The following NFIL3 variants were observed in gnomAD, a reference collection of about 807,000 sequenced individuals.
NFIL3 encodes the protein nuclear factor, interleukin 3 regulated, also known as nuclear factor interleukin-3-regulated protein.
NFIL3 carries 5 observed loss-of-function variants against 10.0 expected under a neutral mutation model. That is an observed-to-expected ratio of 0.50 (90% CI 0.26 to 1.06). NFIL3 has a LOEUF of 1.06. Among genes scored for constraint, NFIL3 ranks in the 50% least tolerant of loss-of-function variants. The pLI is 0.13. For missense variants in NFIL3, 436 were observed against 547.6 expected, an observed-to-expected ratio of 0.80 and a Z score of 2.03; for synonymous variants, 202 against 206.5, an observed-to-expected ratio of 0.98 and a Z score of 0.19.
upstream of NFIL3, among the ~76,000 whole-genome samples, chr9:91,428,381 C>G (rs1163851102): frequency 6.6e-6 from 1 of 152,168 alleles, no homozygotes; most frequent in Non-Finnish European, 1.5e-5. Flanking sequence ...CCAGCCACAA[C>G]CTAGACGTTA....
chr9:91,452,239 G>T, the NFIL3 span, among the ~76,000 whole-genome samples: 1 of 152,200 alleles, frequency 6.6e-6, no homozygotes, highest in Non-Finnish European at 1.5e-5. Flanking sequence ...CTACCAGGAA[G>T]CTTCATCTGC....
chr9:91,453,240 CAT>C, the NFIL3 span, among the ~76,000 whole-genome samples: 1,009 of 152,136 alleles, frequency 6.6e-3, 17 homozygotes, highest in African/African-American at 0.023. Context: ...GGAAGCTAGA[CAT>C]ATTAGATTAG....
At chr9:91,471,560 C>A in the NFIL3 span, among the ~76,000 whole-genome samples, 1 of 150,028 alleles carries the variant, frequency 6.7e-6, no homozygotes, top group Non-Finnish European at 1.5e-5. Flanking sequence ...CTGTGCACAA[C>A]GAGCAGGTTT....
At chr9:91,482,824 G>C in the NFIL3 span, among the ~76,000 whole-genome samples, 1 of 152,144 alleles carries the variant, frequency 6.6e-6, no homozygotes, top group Admixed American at 6.5e-5. Context: ...GTTTTAAAAA[G>C]AGACAAATAA....
the NFIL3 span, among the ~76,000 whole-genome samples, chr9:91,473,941 T>C: frequency 0.099 from 15,075 of 152,238 alleles, 822 homozygotes; most frequent in East Asian, 0.23. Context: ...TTTTATTTCC[T>C]TTTCTTATCT....
At chr9:91,463,942 T>G in the NFIL3 span, among the ~76,000 whole-genome samples, 1 of 152,166 alleles carries the variant, frequency 6.6e-6, no homozygotes, top group Admixed American at 6.6e-5. Context: ...TTCTGTCTGC[T>G]TTGTTGAAAA....
the NFIL3 span, among the ~76,000 whole-genome samples, chr9:91,471,160 T>C: frequency 1.3e-5 from 2 of 152,318 alleles, no homozygotes; most frequent in South Asian, 2.1e-4. Flanking sequence ...AGTCTAAGTC[T>C]CTTTGTCGGT....
At chr9:91,483,010 C>T in the NFIL3 span, among the ~76,000 whole-genome samples, 4 of 152,176 alleles carry the variant, frequency 2.6e-5, no homozygotes, top group Non-Finnish European at 5.9e-5. Flanking sequence ...TCCACAACAT[C>T]CCTGGCTAGA....
the NFIL3 span, among the ~76,000 whole-genome samples, chr9:91,453,202 G>A: frequency 6.6e-6 from 1 of 151,984 alleles, no homozygotes; most frequent in Non-Finnish European, 1.5e-5. Context: ...CTCTGTACAT[G>A]TTTGTATCTG....
At chr9:91,461,617 C>A in the NFIL3 span, among the ~76,000 whole-genome samples, 2 of 152,184 alleles carry the variant, frequency 1.3e-5, no homozygotes, top group African/African-American at 4.8e-5. Context: ...TGTTTCTTGG[C>A]TTTCTTGGCT....
chr9:91,448,345 A>T, the NFIL3 span, among the ~76,000 whole-genome samples: 1 of 152,228 alleles, frequency 6.6e-6, no homozygotes, highest in Non-Finnish European at 1.5e-5. Flanking sequence ...GCTTCCATCC[A>T]TGACAGAAAG....
the NFIL3 span, among the ~76,000 whole-genome samples, chr9:91,435,958 G>C: frequency 6.6e-6 from 1 of 152,096 alleles, no homozygotes; most frequent in African/African-American, 2.4e-5. Context: ...AACACAGACC[G>C]ATTTTGGCTA....
chr9:91,442,627 C>G, the NFIL3 span, among the ~76,000 whole-genome samples: 1 of 152,178 alleles, frequency 6.6e-6, no homozygotes, highest in Non-Finnish European at 1.5e-5. Context: ...TTTGGCAGCA[C>G]AGGCAGCTCC....
intron 1 of NFIL3, among the ~76,000 whole-genome samples, chr9:91,422,404 GGC>G (rs1172105747): frequency 2.6e-5 from 4 of 151,948 alleles, no homozygotes; most frequent in Non-Finnish European, 5.9e-5. Context: ...ACACACATTC[GGC>G]AGCATGAGCA....
chr9:91,414,042 A>G lies in NFIL3; in HGVS notation c.-172-3136T>C, dbSNP rs73505238. 3.6e-3 allele frequency among the ~76,000 whole-genome samples: 541 copies of G among 152,282 alleles called. 6 individuals carry two copies. The highest frequency in any genetic ancestry group is 0.012 in the African/African-American group (516 of 41,550). ...AGGACCTTTTCAAGGTTGGGGCCCAATTGGGAAGGAGCCTTCACAATAGGT... is the reference window on the plus strand; with the variant it reads ...AGGACCTTTTCAAGGTTGGGGCCCAGTTGGGAAGGAGCCTTCACAATAGGT... On this transcript the variant is annotated intron_variant, in intron 1 of 1. Transcript: ENST00000297689.
At chr9:91,456,903 T>C in the NFIL3 span, among the ~76,000 whole-genome samples, 1 of 152,072 alleles carries the variant, frequency 6.6e-6, no homozygotes, top group Non-Finnish European at 1.5e-5. Flanking sequence ...TCCTTTTTGG[T>C]TCACTTTTTT....
At chr9:91,482,094 C>T in the NFIL3 span, among the ~76,000 whole-genome samples, 10 of 152,230 alleles carry the variant, frequency 6.6e-5, no homozygotes, top group South Asian at 8.3e-4. Context: ...GAAAGTGATC[C>T]GGCAATATCC....
the NFIL3 span, among the ~76,000 whole-genome samples, chr9:91,461,373 T>C: frequency 6.6e-6 from 1 of 152,124 alleles, no homozygotes; most frequent in Non-Finnish European, 1.5e-5. Context: ...TAACAAGTTG[T>C]GTGTGTATGT....
At chr9:91,446,966 C>T in the NFIL3 span, among the ~76,000 whole-genome samples, 1 of 152,156 alleles carries the variant, frequency 6.6e-6, no homozygotes, top group African/African-American at 2.4e-5. Context: ...CAGGTCCGCA[C>T]CACCATGCCT....
Sources: allele counts gnomAD v4.1 joint callset (sites outside exome capture counted in the v4.1 genomes callset), GRCh38; gene constraint gnomAD v4.1.1; transcripts MANE v1.5; gene names NCBI Gene and HGNC (gene_info 2026-07-23, HGNC 2026-07-21).